The following LRRC1 variants were observed in gnomAD, a reference collection of about 807,000 sequenced individuals.
LRRC1 encodes leucine rich repeat containing 1, also known as leucine-rich repeat-containing protein 1.
LRRC1 carries 28 observed loss-of-function variants against 69.9 expected under a neutral mutation model. The ratio of observed to expected loss-of-function variants is 0.40; its 90% CI spans 0.30 to 0.55. The LOEUF is 0.55. LRRC1 is among the 20% of genes least tolerant of loss of function. The pLI, the probability that LRRC1 is intolerant of heterozygous loss-of-function variation, is 0.47. For missense variants in LRRC1, 498 were observed against 609.0 expected, an observed-to-expected ratio of 0.82 and a Z score of 1.92; for synonymous variants, 236 against 240.2, an observed-to-expected ratio of 0.98 and a Z score of 0.16.
At chr6:53,869,513 A>G (rs998323628) in intron 2 of LRRC1, among the ~76,000 whole-genome samples, 1 of 152,232 alleles carries the variant, frequency 6.6e-6, no homozygotes, top group Non-Finnish European at 1.5e-5. Context: ...ATGTGGCACT[A>G]AGCGGTTTTC....
intron 1 of LRRC1, among the ~76,000 whole-genome samples, chr6:53,826,769 G>T (rs368868589): frequency 6.6e-6 from 1 of 151,482 alleles, no homozygotes; most frequent in African/African-American, 2.4e-5. Context: ...CTGATGTACT[G>T]TATATCTGTA....
rs1767990121 is a variant in LRRC1, at chr6:53,899,836, A to G, written c.732A>G (p.Ser244=). 9.3e-6 allele frequency: 15 copies of G among 1,614,134 alleles called. No homozygotes were observed. Among genetic ancestry groups the G allele is most frequent in the Non-Finnish European group, 1.2e-5 (14 of 1,179,988 alleles). The part of the protein sequence containing the change: ...RLPEEISGLT[S]LTDLVISQNL... ...CTGAAGAAATCAGTGGCCTGACTTC[A>G]TTAACGGATTTAGTCATTTCCCAGA... is the stretch of plus-strand genomic sequence containing the variant. Residue 244 remains serine, a synonymous_variant, in exon 8 of 14, where the codon TCA becomes TCG. Coordinates refer to ENST00000370888, the MANE Select transcript of LRRC1 (RefSeq NM_018214.5).
rs189840867 is a variant in LRRC1 at position 53,812,961 on chromosome 6, T to C, written c.159+17546T>C. 3.5e-3 allele frequency among the ~76,000 whole-genome samples: 527 copies of C among 152,028 alleles called. 2 individuals are homozygous for C. Among genetic ancestry groups the C allele is most frequent in the African/African-American group, 0.012 (485 of 41,438 alleles). ...TTTTTTCCTCTAGAGTGCTCAACTATACAGGCTTAGAATAGAGAAAGGTGG... is the reference window on the plus strand; with the variant it reads ...TTTTTTCCTCTAGAGTGCTCAACTACACAGGCTTAGAATAGAGAAAGGTGG... On this transcript the variant is annotated intron_variant, in intron 1 of 13. Transcript: ENST00000370888.
chr6:53,916,650 G>A (rs1336943252), intron 11 of LRRC1, among the ~76,000 whole-genome samples: 2 of 152,104 alleles, frequency 1.3e-5, no homozygotes, highest in Non-Finnish European at 2.9e-5. Flanking sequence ...TTTTTTGCCA[G>A]TTATGTTCCC....
At chr6:53,890,719 G>T (rs1365394253) in intron 4 of LRRC1, among the ~76,000 whole-genome samples, 1 of 152,126 alleles carries the variant, frequency 6.6e-6, no homozygotes, top group Non-Finnish European at 1.5e-5. Context: ...GTAACCAGAG[G>T]TTTTTGAATT....
chr6:53,804,072 G>A (rs983189649), intron 1 of LRRC1, among the ~76,000 whole-genome samples: 6 of 152,120 alleles, frequency 3.9e-5, no homozygotes, highest in Admixed American at 3.9e-4. Context: ...TGCCTTTGAG[G>A]CTCATGTTAT....
At chr6:53,828,913 G>A (rs1197861898) in intron 1 of LRRC1, among the ~76,000 whole-genome samples, 1 of 152,184 alleles carries the variant, frequency 6.6e-6, no homozygotes, top group Non-Finnish European at 1.5e-5. Flanking sequence ...TAATATTTTT[G>A]CTCTTGAAAA....
chr6:53,858,950 G>A (rs1766406728), intron 2 of LRRC1, among the ~76,000 whole-genome samples: 1 of 152,116 alleles, frequency 6.6e-6, no homozygotes, highest in Admixed American at 6.6e-5. Context: ...AACTTAAAAT[G>A]TATTATAAAT....
Position 53,859,860 on chromosome 6 carries a change from C to T in LRRC1, c.277+17633C>T, listed in dbSNP as rs1049310447. 3.3e-5 allele frequency among the ~76,000 whole-genome samples: 5 copies of T among 152,038 alleles called. 1 individual carries two copies. The highest frequency in any genetic ancestry group is 1.3e-4 in the Admixed American group (2 of 15,254). On this transcript the variant is annotated intron_variant, in intron 2 of 13. Transcript: ENST00000370888. The stretch of plus-strand genomic sequence containing the variant: ...TAAATGCAATATTATAATCTTAGAG[C>T]GAGGGAACACTGTCTGTCTGTGGTC...
At chr6:53,881,621 GAATTAACCTA>G (rs1753203126) in intron 3 of LRRC1, among the ~76,000 whole-genome samples, 1 of 152,048 alleles carries the variant, frequency 6.6e-6, no homozygotes, top group African/African-American at 2.4e-5. Context: ...TTGAAGTTTG[GAATTAACCTA>G]TATTAAATAT....
chr6:53,872,361 C>T (rs1205077658), intron 2 of LRRC1, among the ~76,000 whole-genome samples: 1 of 152,072 alleles, frequency 6.6e-6, no homozygotes, highest in East Asian at 1.9e-4. Flanking sequence ...AACCATCAAC[C>T]AAGCAGTATA....
intron 2 of LRRC1, among the ~76,000 whole-genome samples, chr6:53,877,912 A>G (rs1449981214): frequency 6.6e-6 from 1 of 151,914 alleles, no homozygotes; most frequent in African/African-American, 2.4e-5. Flanking sequence ...GCAGCAACCC[A>G]CTCTACTGGT....
intron 9 of LRRC1, among the ~76,000 whole-genome samples, chr6:53,903,188 G>T (rs1477668235): frequency 1.3e-5 from 2 of 152,172 alleles, no homozygotes; most frequent in Non-Finnish European, 1.5e-5. Context: ...TTGGCAGGAT[G>T]GGGGCTGGGA....
At chr6:53,847,515 T>C (rs1765985968) in intron 2 of LRRC1, among the ~76,000 whole-genome samples, 1 of 152,240 alleles carries the variant, frequency 6.6e-6, no homozygotes, top group African/African-American at 2.4e-5. Context: ...CTTCACTAAT[T>C]ATTTCATCAA....
At chr6:53,858,812 A>C (rs2127422266) in intron 2 of LRRC1, among the ~76,000 whole-genome samples, 1 of 152,344 alleles carries the variant, frequency 6.6e-6, no homozygotes, top group East Asian at 1.9e-4. Flanking sequence ...GATAAAGTTA[A>C]TCTCATTTAG....
At chr6:53,899,518 G>A (rs1767978092) in intron 7 of LRRC1, among the ~76,000 whole-genome samples, 1 of 150,350 alleles carries the variant, frequency 6.7e-6, no homozygotes, top group African/African-American at 2.4e-5. Context: ...CTGCCTGAAA[G>A]GTGGAGGGCT....
chr6:53,846,375 T>G (rs972090347), intron 2 of LRRC1, among the ~76,000 whole-genome samples: 1 of 152,238 alleles, frequency 6.6e-6, no homozygotes, highest in African/African-American at 2.4e-5. Context: ...ACAGTGCATA[T>G]GGTCTCTTCC....
At chr6:53,825,645 G>A (rs1286786921) in intron 1 of LRRC1, among the ~76,000 whole-genome samples, 1 of 152,118 alleles carries the variant, frequency 6.6e-6, no homozygotes, top group African/African-American at 2.4e-5. Flanking sequence ...TTTGTAAACT[G>A]AAATGCATCG....
At chr6:53,875,577 T>C (rs1204173407) in intron 2 of LRRC1, among the ~76,000 whole-genome samples, 2 of 152,150 alleles carry the variant, frequency 1.3e-5, no homozygotes, top group Non-Finnish European at 2.9e-5. Flanking sequence ...CAAATATTTA[T>C]GTTTGTAATC....
Sources: gnomAD v4.1 joint callset for allele counts (sites outside exome capture counted in the v4.1 genomes callset) on GRCh38, gnomAD v4.1.1 for gene constraint, MANE v1.5 for transcripts, NCBI Gene and HGNC (gene_info 2026-07-23, HGNC 2026-07-21) for gene names.